The following MARCHF1 variants were observed in gnomAD, a reference collection of about 807,000 sequenced individuals.
MARCHF1 encodes the protein E3 ubiquitin-protein ligase MARCHF1.
A neutral mutation model predicts 54.2 loss-of-function variants in MARCHF1; 40 were observed. The ratio of observed to expected loss-of-function variants is 0.74; its 90% CI spans 0.57 to 0.96. The LOEUF is 0.96. MARCHF1 is among the 40% of genes least tolerant of loss of function. The pLI is 0.00. For synonymous variants in MARCHF1, 236 were observed against 236.3 expected, an observed-to-expected ratio of 1.00 and a Z score of 0.01; for missense variants, 586 against 656.5, an observed-to-expected ratio of 0.89 and a Z score of 1.17.
At chr4:163,812,793 A>C (rs1234031648) in intron 4 of MARCHF1, among the ~76,000 whole-genome samples, 1 of 152,024 alleles carries the variant, frequency 6.6e-6, no homozygotes. Flanking sequence ...AAACCAAAAA[A>C]CCTAAACTTT....
chr4:164,254,981 G>C (rs1452372599), intron 1 of MARCHF1, among the ~76,000 whole-genome samples: 1 of 152,122 alleles, frequency 6.6e-6, no homozygotes, highest in East Asian at 1.9e-4. Context: ...CTGACCTCAG[G>C]TTATCCACTC....
intron 1 of MARCHF1, among the ~76,000 whole-genome samples, chr4:164,262,728 C>A (rs1006898772): frequency 2.0e-5 from 3 of 152,144 alleles, no homozygotes; most frequent in African/African-American, 7.2e-5. Flanking sequence ...GTGGGAAATG[C>A]ACTGGAGACG....
intron 1 of MARCHF1, chr4:164,129,851 G>C (rs1345372965): frequency 1.3e-5 from 2 of 152,042 alleles, no homozygotes; most frequent in African/African-American, 4.8e-5. Flanking sequence ...ATAACCTAGG[G>C]AATGGGTTGA....
intron 1 of MARCHF1, among the ~76,000 whole-genome samples, chr4:164,343,218 G>A (rs1579736898): frequency 6.6e-6 from 1 of 152,102 alleles, no homozygotes; most frequent in East Asian, 1.9e-4. Context: ...ATTTCACAAT[G>A]TATACATATA....
rs137932544 is a variant in MARCHF1, at chr4:164,330,646, G to A, written c.-323+53224C>T. Among the ~76,000 whole-genome samples the A allele has an allele frequency of 4.8e-3, 735 of 152,284 alleles. 3 individuals carry two copies. The highest frequency in any genetic ancestry group is 0.044 in the Middle Eastern group (13 of 294). On this transcript the variant is annotated intron_variant, in intron 1 of 9. Coordinates refer to ENST00000514618, the MANE Select transcript of MARCHF1 (RefSeq NM_001394959.1). ...ACTAAAGCTGCTGCAAGAACATGCC[G>A]AGGAACATGCACATAGCTGGTCCTC...
intron 1 of MARCHF1, among the ~76,000 whole-genome samples, chr4:164,355,392 A>G (rs373197079): frequency 3.3e-5 from 4 of 120,078 alleles, no homozygotes; most frequent in South Asian, 6.1e-4. Context: ...AACCAAAACA[A>G]CATGGTACTG....
chr4:163,630,356 C>A (rs1742030358), intron 5 of MARCHF1, among the ~76,000 whole-genome samples: 1 of 152,188 alleles, frequency 6.6e-6, no homozygotes, highest in Non-Finnish European at 1.5e-5. Flanking sequence ...AAGCATCATT[C>A]TATTTATGAA....
chr4:163,634,720 T>G (rs943412634), intron 5 of MARCHF1, among the ~76,000 whole-genome samples: 14 of 150,706 alleles, frequency 9.3e-5, no homozygotes, highest in African/African-American at 3.4e-4. Context: ...TACCCAGGAA[T>G]TGAGCTCAGC....
intron 1 of MARCHF1, among the ~76,000 whole-genome samples, chr4:164,306,634 T>G (rs994999369): frequency 6.6e-6 from 1 of 152,146 alleles, no homozygotes; most frequent in South Asian, 2.1e-4. Flanking sequence ...ATGCGAGATA[T>G]TCCTTCTAAA....
intron 4 of MARCHF1, among the ~76,000 whole-genome samples, chr4:163,852,669 G>A (rs1749673492): frequency 6.6e-6 from 1 of 152,122 alleles, no homozygotes; most frequent in Non-Finnish European, 1.5e-5. Flanking sequence ...CAATCTAAGG[G>A]TGGGATTTAA....
At chr4:164,310,859 T>C (rs931657547) in intron 1 of MARCHF1, among the ~76,000 whole-genome samples, 1 of 152,164 alleles carries the variant, frequency 6.6e-6, no homozygotes. Context: ...CTAATAATGA[T>C]AGAAGATAAA....
Position 163,610,856 on chromosome 4 carries a change from C to T in MARCHF1, c.1010+1415G>A, listed in dbSNP as rs150866097. 4.7e-3 allele frequency among the ~76,000 whole-genome samples: 714 copies of T among 152,186 alleles called. 1 individual carries two copies. The highest frequency in any genetic ancestry group is 9.2e-3 in the Admixed American group (141 of 15,256). Reference sequence around the variant, plus strand: ...CCCCCTATTCACCACAACCTAGCTGCAATGGCAAGCTTTACGTTCCCTGAA... The same window carrying T: ...CCCCCTATTCACCACAACCTAGCTGTAATGGCAAGCTTTACGTTCCCTGAA... On this transcript the variant is annotated intron_variant, in intron 7 of 9. Coordinates refer to ENST00000514618, the MANE Select transcript of MARCHF1 (RefSeq NM_001394959.1).
chr4:164,380,815 T>A (rs1731344027), intron 1 of MARCHF1, among the ~76,000 whole-genome samples: 1 of 152,136 alleles, frequency 6.6e-6, no homozygotes, highest in East Asian at 1.9e-4. Context: ...AATTTCCCTA[T>A]CAAAGGCCTA....
At chr4:163,965,702 A>G (rs942486644) in intron 3 of MARCHF1, among the ~76,000 whole-genome samples, 1 of 152,098 alleles carries the variant, frequency 6.6e-6, no homozygotes, top group East Asian at 1.9e-4. Flanking sequence ...GAAGATTATA[A>G]CACTGTATAG....
rs530256375 is a variant in MARCHF1 at position 164,019,603 on chromosome 4, G to T, written c.-247-30894C>A. ...ATTACTGATTGAGCACAAAGCATTGGGCAATCAATTGTCTTTGACACTTCG... is the reference window on the plus strand; with the variant it reads ...ATTACTGATTGAGCACAAAGCATTGTGCAATCAATTGTCTTTGACACTTCG... On this transcript the variant is annotated intron_variant, in intron 2 of 9. Coordinates refer to ENST00000514618, the MANE Select transcript of MARCHF1 (RefSeq NM_001394959.1). 2.0e-5 allele frequency among the ~76,000 whole-genome samples: 3 copies of T among 152,192 alleles called. No homozygotes were observed. In the East Asian group the frequency reaches 5.8e-4, roughly 29 times the overall value.
chr4:163,546,493 TC>T (rs1362371166), intron 8 of MARCHF1, among the ~76,000 whole-genome samples: 2 of 152,232 alleles, frequency 1.3e-5, no homozygotes, highest in Non-Finnish European at 2.9e-5. Context: ...AACACTATCT[TC>T]TTGGATTATC....
intron 4 of MARCHF1, among the ~76,000 whole-genome samples, chr4:163,782,013 C>A (rs1326285119): frequency 1.3e-5 from 2 of 152,104 alleles, no homozygotes; most frequent in African/African-American, 4.8e-5. Context: ...ATCTTTCCCT[C>A]TGAGCTACTG....
intron 1 of MARCHF1, among the ~76,000 whole-genome samples, chr4:164,271,192 C>T (rs982739575): frequency 1.3e-5 from 2 of 152,062 alleles, no homozygotes; most frequent in African/African-American, 4.8e-5. Flanking sequence ...ACCCTGGAAC[C>T]TGTGAATATG....
intron 1 of MARCHF1, among the ~76,000 whole-genome samples, chr4:164,132,530 CTA>C (rs1458751995): frequency 6.6e-6 from 1 of 152,148 alleles, no homozygotes; most frequent in African/African-American, 2.4e-5. Flanking sequence ...TGATCATCAA[CTA>C]TAAATGCAGT....
Sources: gnomAD v4.1 joint callset for allele counts (sites outside exome capture counted in the v4.1 genomes callset) on GRCh38, gnomAD v4.1.1 for gene constraint, MANE v1.5 for transcripts, NCBI Gene and HGNC (gene_info 2026-07-23, HGNC 2026-07-21) for gene names.